GPR107: variants seen among roughly 807,000 people sequenced by gnomAD.
The protein encoded by GPR107 is G protein-coupled receptor 107, also known as protein GPR107.
GPR107 carries 31 observed loss-of-function variants against 75.5 expected under a neutral mutation model. The observed-to-expected ratio is 0.41, with a 90% CI of 0.31 to 0.55. The LOEUF (loss-of-function observed/expected upper bound fraction) is 0.55. Among genes scored for constraint, GPR107 ranks in the 20% least tolerant of loss-of-function variants. The probability of loss-of-function intolerance (pLI) is 0.26; values close to 1 mark genes in which losing one functional copy is unlikely to be tolerated. For synonymous variants in GPR107, 267 were observed against 251.3 expected, an observed-to-expected ratio of 1.06 and a Z score of -0.59; for missense variants, 572 against 665.7, an observed-to-expected ratio of 0.86 and a Z score of 1.55.
chr9:130,058,757 G>A (rs991209583), intron 1 of GPR107, among the ~76,000 whole-genome samples: 2 of 152,166 alleles, frequency 1.3e-5, no homozygotes, highest in South Asian at 2.1e-4. Flanking sequence ...GAGCCACTGC[G>A]CCCGGCCGAT....
In GPR107 at chr9:130,092,314, T is replaced by A. The variant is rs150965960; in HGVS notation, c.796T>A (p.Tyr266Asn). The A allele has an allele frequency of 2.5e-6, 4 of 1,608,506 alleles. No homozygotes were observed. Among genetic ancestry groups the A allele is most frequent in the Non-Finnish European group, 2.6e-6 (3 of 1,174,844 alleles). ...SAGEIPLPKLYISMAFFFFLS... is the reference protein window; with the variant it reads ...SAGEIPLPKLNISMAFFFFLS... Reference sequence around the variant, plus strand: ...AGGAGAAATTCCTCTCCCCAAATTATACATCTCAATGGCCTTTTTCTTCTT... The same window carrying A: ...AGGAGAAATTCCTCTCCCCAAATTAAACATCTCAATGGCCTTTTTCTTCTT... The change falls in exon 9 of 18, where the codon TAC (tyrosine) becomes AAC (asparagine). Residue 266 changes from tyrosine (Y) to asparagine (N), a missense_variant. Coordinates refer to ENST00000347136, the MANE Select transcript of GPR107 (RefSeq NM_020960.5).
At chr9:130,101,426 C>T (rs1010310674) in intron 12 of GPR107, among the ~76,000 whole-genome samples, 5 of 152,252 alleles carry the variant, frequency 3.3e-5, no homozygotes, top group African/African-American at 1.2e-4. Context: ...CAGTCAGCCA[C>T]TGGCCTTTGG....
At position 130,097,235 on chromosome 9, in the gene GPR107, A is replaced by G. The variant is rs181546500; in HGVS notation, c.864-2222A>G. ...AGTGGCACCATCTTGGCTCATTGCA[A>G]CCTCCACCTCCTGAGTGCAAGCGAT... On this transcript the variant is annotated intron_variant, in intron 9 of 17. Transcript: ENST00000347136. Among the ~76,000 whole-genome samples the G allele has an allele frequency of 3.2e-4, 46 of 145,446 alleles. No individual in the cohort carries two copies. The East Asian group carries it at 8.8e-3, about 28-fold the overall frequency.
At chr9:130,122,574 G>GTCAC (rs1049489010) in intron 14 of GPR107, among the ~76,000 whole-genome samples, 14 of 152,206 alleles carry the variant, frequency 9.2e-5, no homozygotes, top group African/African-American at 3.4e-4. Context: ...GTGTGTGCAT[G>GTCAC]TCACTCAGTG....
At chr9:130,054,452 C>T (rs1829686397) in intron 1 of GPR107, among the ~76,000 whole-genome samples, 1 of 152,186 alleles carries the variant, frequency 6.6e-6, no homozygotes, top group Admixed American at 6.5e-5. Flanking sequence ...TCCGCGGTCT[C>T]CGCTCTTCTG....
At chr9:130,107,608 G>T in intron 14 of GPR107, 69 bp downstream of exon 14, 2 of 982,498 alleles carry the variant, frequency 2.0e-6, no homozygotes, top group South Asian at 2.5e-5. Flanking sequence ...GCACTGCGGA[G>T]GAGTGGAGGC....
chr9:130,068,493 G>A lies in GPR107; in HGVS notation c.142-7143G>A, dbSNP rs1191075559. Reference sequence around the variant, plus strand: ...ATAACATGTGGGTTAATATAAGTCTGTAGACCCCCAGTTGGTGAGGTGAAG... The same window carrying A: ...ATAACATGTGGGTTAATATAAGTCTATAGACCCCCAGTTGGTGAGGTGAAG... On this transcript the variant is annotated intron_variant, in intron 1 of 17. Coordinates refer to ENST00000347136, the MANE Select transcript of GPR107 (RefSeq NM_020960.5). Among the ~76,000 whole-genome samples, 3 of 152,088 alleles carry A rather than the reference G, an allele frequency of 2.0e-5. No individual in the cohort carries two copies. The East Asian group carries it at 5.8e-4, about 29-fold the overall frequency.
At position 130,062,547 on chromosome 9, in the gene GPR107, A is replaced by G. The variant is rs986224238; in HGVS notation, c.141+8474A>G. Among the ~76,000 whole-genome samples, 4 of 152,016 alleles carry G rather than the reference A, an allele frequency of 2.6e-5. No homozygotes were observed. In the East Asian group the frequency reaches 7.7e-4, roughly 29 times the overall value. ...TATGTGCTAGGCACTAGAGATATAC[A>G]AATGAGACAGGCCCATAGACAGGTA... On this transcript the variant is annotated intron_variant, in intron 1 of 17. Coordinates refer to ENST00000347136, the MANE Select transcript of GPR107 (RefSeq NM_020960.5).
intron 16 of GPR107, among the ~76,000 whole-genome samples, chr9:130,128,413 G>A (rs1831737491): frequency 6.6e-6 from 1 of 152,240 alleles, no homozygotes; most frequent in African/African-American, 2.4e-5. Context: ...GAAGACTGGT[G>A]AAAGCACAGC....
chr9:130,075,314 G>A (rs528640966), intron 1 of GPR107, among the ~76,000 whole-genome samples: 3 of 137,934 alleles, frequency 2.2e-5, no homozygotes, highest in African/African-American at 8.4e-5. Context: ...GCATGATCTC[G>A]GCTCACTGCA....
intron 14 of GPR107, among the ~76,000 whole-genome samples, chr9:130,123,672 A>G (rs1459904053): frequency 6.8e-6 from 1 of 146,738 alleles, no homozygotes; most frequent in South Asian, 2.1e-4. Context: ...TTTTTTTTTT[A>G]AGAGACAGGG....
intron 8 of GPR107, among the ~76,000 whole-genome samples, chr9:130,091,231 G>T (rs966727308): frequency 6.6e-6 from 1 of 152,142 alleles, no homozygotes; most frequent in Non-Finnish European, 1.5e-5. Context: ...GCTCATGCCT[G>T]TAACCCCAGC....
intron 7 of GPR107, 73 bp downstream of exon 7, chr9:130,086,549 G>A: frequency 1.2e-6 from 1 of 862,656 alleles, no homozygotes; most frequent in Non-Finnish European, 2.0e-6. Context: ...TTTTTTAGAG[G>A]AATTTTGAAT....
At chr9:130,090,054 A>AC (rs1260119058) in intron 7 of GPR107, among the ~76,000 whole-genome samples, 4 of 152,098 alleles carry the variant, frequency 2.6e-5, no homozygotes, top group Admixed American at 2.6e-4. Context: ...CTCTAGAGCA[A>AC]CCCGTCATGA....
chr9:130,139,023 T>A lies in GPR107; in HGVS notation c.*3902T>A, dbSNP rs1417788247. On this transcript the variant is annotated 3_prime_UTR_variant, in exon 18 of 18. Transcript: ENST00000347136. ...CTTCATGCTGCCAAGCTGCTGTACTTCAAAGGAAACAGATCTAGCACACTG... is the reference window on the plus strand; with the variant it reads ...CTTCATGCTGCCAAGCTGCTGTACTACAAAGGAAACAGATCTAGCACACTG... 1 of 152,236 alleles carries A rather than the reference T, an allele frequency of 6.6e-6. No individual in the cohort carries two copies. The highest frequency in any genetic ancestry group is 1.9e-4 in the East Asian group (1 of 5,188). 9.4% of individuals were successfully genotyped at this position (152,236 alleles called of 1,614,324 possible).
chr9:130,066,115 C>G (rs1233871957), intron 1 of GPR107, among the ~76,000 whole-genome samples: 1 of 152,072 alleles, frequency 6.6e-6, no homozygotes, highest in Non-Finnish European at 1.5e-5. Context: ...GCCTGGCCAA[C>G]ATGGTGAAAC....
chr9:130,090,207 A>T (rs148713824), intron 7 of GPR107, among the ~76,000 whole-genome samples: 5 of 152,326 alleles, frequency 3.3e-5, no homozygotes, highest in Non-Finnish European at 7.3e-5. Context: ...CTTGACCAAG[A>T]AGTCATATTC....
intron 1 of GPR107, among the ~76,000 whole-genome samples, chr9:130,067,998 C>G (rs185038766): frequency 5.4e-4 from 82 of 152,090 alleles, no homozygotes; most frequent in East Asian, 4.6e-3. Context: ...CCTCAGCCCC[C>G]CAAAGTGCTG....
intron 17 of GPR107, among the ~76,000 whole-genome samples, chr9:130,130,508 G>A (rs1831797602): frequency 6.6e-6 from 1 of 152,186 alleles, no homozygotes; most frequent in Non-Finnish European, 1.5e-5. Flanking sequence ...GGGGATTGGG[G>A]ACTAATAGAC....
Sources: allele counts gnomAD v4.1 joint callset (sites outside exome capture counted in the v4.1 genomes callset), GRCh38; gene constraint gnomAD v4.1.1; transcripts MANE v1.5; gene names NCBI Gene and HGNC (gene_info 2026-07-23, HGNC 2026-07-21).